TLK2: variants seen among roughly 807,000 people sequenced by gnomAD.
TLK2 encodes the protein tousled like kinase 2, also known as serine/threonine-protein kinase tousled-like 2.
TLK2 carries 6 observed loss-of-function variants against 117.3 expected under a neutral mutation model. The observed-to-expected ratio is 0.05, with a 90% CI of 0.03 to 0.10. The LOEUF (loss-of-function observed/expected upper bound fraction) is 0.10. Ranked by LOEUF, TLK2 falls within the 10% of genes least tolerant of loss-of-function variation. The pLI, the probability that TLK2 is intolerant of heterozygous loss-of-function variation, is 1.00. For synonymous variants in TLK2, 257 were observed against 316.7 expected (o/e 0.81, Z 2.00); for missense variants, 299 against 901.2 (o/e 0.33, Z 8.56).
intron 16 of TLK2, among the ~76,000 whole-genome samples, chr17:62,589,997 CG>C (rs1477119058): frequency 6.6e-6 from 1 of 150,880 alleles, no homozygotes; most frequent in Non-Finnish European, 1.5e-5. Context: ...TTAGTAGAGA[CG>C]GGGTTTCACC....
chr17:62,592,532 C>T (rs1217398262), intron 16 of TLK2, among the ~76,000 whole-genome samples: 2 of 152,192 alleles, frequency 1.3e-5, no homozygotes, highest in Non-Finnish European at 1.5e-5. Flanking sequence ...GTATAGCCTA[C>T]TTACATACCT....
chr17:62,475,580 C>T (rs1315901074), upstream of TLK2, among the ~76,000 whole-genome samples: 2 of 152,080 alleles, frequency 1.3e-5, no homozygotes, highest in African/African-American at 2.4e-5. Context: ...CTCCTGACCT[C>T]GTGATCCACC....
chr17:62,562,346 A>G (rs375212975), intron 10 of TLK2, among the ~76,000 whole-genome samples: 2 of 152,178 alleles, frequency 1.3e-5, no homozygotes, highest in Admixed American at 6.5e-5. Flanking sequence ...AGGTAGTAGA[A>G]TGAGACTGTC....
chr17:62,481,237 C>T (rs750505615), intron 2 of TLK2, 31 bp downstream of exon 2: 4 of 1,609,386 alleles, frequency 2.5e-6, no homozygotes, highest in Non-Finnish European at 3.4e-6. Context: ...GAACACTATT[C>T]ATATTCTAAT....
intron 2 of TLK2, among the ~76,000 whole-genome samples, chr17:62,497,506 GA>G (rs1407035101): frequency 1.3e-5 from 2 of 152,136 alleles, no homozygotes; most frequent in Non-Finnish European, 2.9e-5. Context: ...CCACTCTTGA[GA>G]CCATGTTTTA....
intron 2 of TLK2, among the ~76,000 whole-genome samples, chr17:62,485,312 A>T (rs1191565151): frequency 3.3e-5 from 5 of 152,324 alleles, no homozygotes; most frequent in Non-Finnish European, 5.9e-5. Context: ...ACAAGTAGCT[A>T]CAGCCTTTGA....
intron 2 of TLK2, among the ~76,000 whole-genome samples, chr17:62,487,094 C>A (rs1395380049): frequency 1.3e-5 from 2 of 152,120 alleles, no homozygotes; most frequent in Non-Finnish European, 2.9e-5. Flanking sequence ...GAGATCGAGA[C>A]CGTCCTGGCC....
At chr17:62,476,946 C>A (rs935437847), upstream of TLK2, among the ~76,000 whole-genome samples, 13 of 151,358 alleles carry the variant, frequency 8.6e-5, no homozygotes, top group East Asian at 2.5e-3. Context: ...AAAAATTAGC[C>A]GGGCCTGGTA....
chr17:62,513,658 G>A (rs2075336179), intron 2 of TLK2, among the ~76,000 whole-genome samples: 1 of 152,026 alleles, frequency 6.6e-6, no homozygotes, highest in African/African-American at 2.4e-5. Flanking sequence ...TAAAAAATCA[G>A]TTGGATATAT....
intron 11 of TLK2, 116 bp from the exon 12 acceptor site, chr17:62,573,099 T>A: frequency 1.7e-6 from 2 of 1,190,002 alleles, no homozygotes; most frequent in Non-Finnish European, 2.3e-6. Context: ...TCTACTTGAC[T>A]TAAAGGGGCT....
At chr17:62,542,315 C>T (rs1354706922) in intron 7 of TLK2, among the ~76,000 whole-genome samples, 1 of 152,120 alleles carries the variant, frequency 6.6e-6, no homozygotes, top group African/African-American at 2.4e-5. Flanking sequence ...GAGACAGGGT[C>T]CCACTGTGTT....
intron 2 of TLK2, among the ~76,000 whole-genome samples, chr17:62,500,677 A>C (rs1048170871): frequency 2.6e-4 from 39 of 152,232 alleles, no homozygotes; most frequent in Non-Finnish European, 4.6e-4. Context: ...TCAAGTGCAC[A>C]TGGAACATTT....
intron 16 of TLK2, among the ~76,000 whole-genome samples, chr17:62,588,477 C>T (rs2081825179): frequency 6.6e-6 from 1 of 152,178 alleles, no homozygotes; most frequent in Non-Finnish European, 1.5e-5. Context: ...AAGTTCTTTC[C>T]ATTCAAGTTC....
chr17:62,534,034 C>G (rs557476418), intron 6 of TLK2, among the ~76,000 whole-genome samples: 4 of 152,238 alleles, frequency 2.6e-5, no homozygotes, highest in African/African-American at 9.6e-5. Flanking sequence ...TTCTGTGCCA[C>G]TGGTCAATCT....
intron 19 of TLK2, among the ~76,000 whole-genome samples, chr17:62,604,463 C>T (rs545049395): frequency 2.0e-5 from 3 of 152,166 alleles, no homozygotes; most frequent in South Asian, 2.1e-4. Context: ...TTTTACTCTC[C>T]TCTCAAAATC....
intron 8 of TLK2, among the ~76,000 whole-genome samples, chr17:62,552,982 A>G (rs1442941124): frequency 6.6e-6 from 1 of 152,242 alleles, no homozygotes; most frequent in African/African-American, 2.4e-5. Flanking sequence ...AATTGTGTTC[A>G]GAAACTCTTT....
intron 12 of TLK2, chr17:62,574,389 T>C (rs2080585314): frequency 3.4e-6 from 5 of 1,481,768 alleles, no homozygotes; most frequent in Non-Finnish European, 4.6e-6. Context: ...GCCCCAGCCT[T>C]AGGAGCCCAC....
intron 7 of TLK2, among the ~76,000 whole-genome samples, chr17:62,541,204 C>T (rs2077507738): frequency 2.6e-5 from 4 of 152,228 alleles, no homozygotes; most frequent in South Asian, 4.1e-4. Flanking sequence ...CTAGGCCCTG[C>T]GTTGTTTTTC....
chr17:62,521,248 A>G (rs1019956703), intron 3 of TLK2, among the ~76,000 whole-genome samples: 2 of 152,198 alleles, frequency 1.3e-5, no homozygotes, highest in African/African-American at 4.8e-5. Flanking sequence ...TGCTCTTTGC[A>G]TACGTACAGT....
Sources: allele counts gnomAD v4.1 joint callset (sites outside exome capture counted in the v4.1 genomes callset), GRCh38; gene constraint gnomAD v4.1.1; transcripts MANE v1.5; gene names NCBI Gene and HGNC (gene_info 2026-07-23, HGNC 2026-07-21).